SETBP1: variants seen among roughly 807,000 people sequenced by gnomAD.
SETBP1 encodes SET-binding protein.
Under a neutral mutation model 101.0 loss-of-function variants are expected in SETBP1, and 9 were observed. The observed-to-expected ratio is 0.09, with a 90% CI of 0.05 to 0.16. SETBP1 has a LOEUF of 0.16. SETBP1 is among the 10% of genes least tolerant of loss of function. SETBP1 has a pLI of 1.00. For synonymous variants in SETBP1, 818 were observed against 788.5 expected (o/e 1.04, Z -0.63); for missense variants, 1,858 against 2,033.8 (o/e 0.91, Z 1.66).
At chr18:44,931,010 A>G (rs2070821134) in intron 3 of SETBP1, among the ~76,000 whole-genome samples, 1 of 151,916 alleles carries the variant, frequency 6.6e-6, no homozygotes, top group Admixed American at 6.6e-5. Context: ...TTGCTTCTCT[A>G]GTTCTTTTAA....
intron 2 of SETBP1, among the ~76,000 whole-genome samples, chr18:44,749,376 G>C (rs1159725461): frequency 1.3e-5 from 2 of 152,048 alleles, no homozygotes; most frequent in Non-Finnish European, 2.9e-5. Context: ...AATATTGTGG[G>C]AGAGAAAGGA....
chr18:44,914,581 G>T (rs1008960506), intron 3 of SETBP1, among the ~76,000 whole-genome samples: 1 of 152,150 alleles, frequency 6.6e-6, no homozygotes, highest in East Asian at 1.9e-4. Context: ...CTAATAGAAG[G>T]AGAGACATTT....
At chr18:45,020,809 T>C (rs561066806) in intron 4 of SETBP1, among the ~76,000 whole-genome samples, 16 of 152,328 alleles carry the variant, frequency 1.1e-4, no homozygotes, top group African/African-American at 3.4e-4. Flanking sequence ...GCATGGTCTG[T>C]AAATGAATCA....
chr18:44,748,929 G>A (rs1252545442), intron 2 of SETBP1, among the ~76,000 whole-genome samples: 1 of 152,162 alleles, frequency 6.6e-6, no homozygotes, highest in African/African-American at 2.4e-5. Context: ...TCTCCCAGGG[G>A]CTGCTGCAGA....
intron 2 of SETBP1, among the ~76,000 whole-genome samples, chr18:44,787,190 G>A (rs185049086): frequency 1.7e-3 from 261 of 152,290 alleles, no homozygotes; most frequent in Middle Eastern, 3.4e-3. Flanking sequence ...ATGAGAAAGG[G>A]TGCTGGTGTG....
intron 2 of SETBP1, among the ~76,000 whole-genome samples, chr18:44,759,026 G>A (rs547134748): frequency 8.1e-4 from 123 of 152,300 alleles, no homozygotes; most frequent in African/African-American, 2.8e-3. Context: ...TAAATAACAC[G>A]TTTCTCCATG....
intron 2 of SETBP1, among the ~76,000 whole-genome samples, chr18:44,741,478 T>C (rs905325565): frequency 3.3e-5 from 5 of 152,170 alleles, no homozygotes; most frequent in African/African-American, 1.2e-4. Flanking sequence ...TCCTTTTCGG[T>C]TCCATGCAAA....
intron 5 of SETBP1, among the ~76,000 whole-genome samples, chr18:45,039,240 C>T (rs79010923): frequency 0.053 from 8,086 of 152,254 alleles, 257 homozygotes; most frequent in Middle Eastern, 0.075. Flanking sequence ...TCCTCACCAA[C>T]AGTGGATAAA....
At chr18:44,979,942 G>A (rs139717177) in intron 4 of SETBP1, among the ~76,000 whole-genome samples, 17 of 152,308 alleles carry the variant, frequency 1.1e-4, no homozygotes, top group Non-Finnish European at 2.4e-4. Flanking sequence ...AACCCATGTG[G>A]ATGTAAATTT....
rs190712416 is a variant in SETBP1 at position 44,870,757 on chromosome 18, T to G, written c.540+1474T>G. ...AACATTAAAGGAAATTGTGTGGTGCTGTTTTACTGCTTGAAAAGGACACCC... is the reference window on the plus strand; with the variant it reads ...AACATTAAAGGAAATTGTGTGGTGCGGTTTTACTGCTTGAAAAGGACACCC... On this transcript the variant is annotated intron_variant, in intron 3 of 5. Coordinates refer to ENST00000649279, the MANE Select transcript of SETBP1 (RefSeq NM_015559.3). 5.9e-5 allele frequency: 9 copies of G among 152,364 alleles called. No homozygotes were observed. In the East Asian group the frequency reaches 1.7e-3, roughly 29 times the overall value. The allele number at this position is 152,364 out of a possible 1,614,324, so 9.4% of individuals were successfully genotyped here.
Position 44,951,756 on chromosome 18 carries a change from C to A in SETBP1, c.2416C>A (p.Pro806Thr), listed in dbSNP as rs1387627307. The change falls in exon 4 of 6, where the codon CCA becomes ACA. Residue 806 changes from proline to threonine, a missense_variant. By Grantham distance (38) the Pro-to-Thr change is conservative. Around this residue, in one of 12 missense-constraint regions of SETBP1, gnomAD observed 121 missense variants for 138.0 expected, o/e 0.88. Transcript: ENST00000649279. This position sits in a 1 kb window ranked among gnomAD's most constrained non-coding sequence, Gnocchi z 7.8. Reference protein sequence around the residue: ...ETNFSELKTMPNLQPISALPT... With the variant: ...ETNFSELKTMTNLQPISALPT... ...CAATTTTTCAGAGTTGAAAACTATG[C>A]CAAATCTCCAGCCCATCAGTGCTCT... 6.2e-7 allele frequency: 1 copy of A among 1,614,020 alleles called. No homozygotes were observed. The highest frequency in any genetic ancestry group is 1.3e-5 in the African/African-American group (1 of 74,918).
rs190728175 is a variant in SETBP1 at position 44,928,905 on chromosome 18, C to A, written c.541-20976C>A. ...TGCCTGTTCACTCTGATGGTAGTTTCTTTTGCTGTGCAGAAGCTCTTTAGT... is the reference window on the plus strand; with the variant it reads ...TGCCTGTTCACTCTGATGGTAGTTTATTTTGCTGTGCAGAAGCTCTTTAGT... On this transcript the variant is annotated intron_variant, in intron 3 of 5. Coordinates refer to ENST00000649279, the MANE Select transcript of SETBP1 (RefSeq NM_015559.3). Among the ~76,000 whole-genome samples, 71 of 152,256 alleles carry A rather than the reference C, an allele frequency of 4.7e-4. 1 individual carries two copies. In the East Asian group the frequency reaches 9.9e-3, roughly 21 times the overall value.
chr18:44,883,590 A>G (rs2069578521), intron 3 of SETBP1, among the ~76,000 whole-genome samples: 1 of 152,200 alleles, frequency 6.6e-6, no homozygotes, highest in African/African-American at 2.4e-5. Context: ...GCCTTTCCTT[A>G]CATACATGGA....
At chr18:44,940,458 C>G (rs750755082) in intron 3 of SETBP1, among the ~76,000 whole-genome samples, 1 of 151,864 alleles carries the variant, frequency 6.6e-6, no homozygotes, top group Non-Finnish European at 1.5e-5. Flanking sequence ...TTTTTCTGCT[C>G]TCTTTTAGAG....
intron 2 of SETBP1, among the ~76,000 whole-genome samples, chr18:44,754,506 G>A (rs2070451393): frequency 6.6e-6 from 1 of 152,098 alleles, no homozygotes; most frequent in Admixed American, 6.6e-5. Flanking sequence ...TTTTTTAAAT[G>A]TCTTAGATGA....
At chr18:44,752,098 G>A (rs2070393231) in intron 2 of SETBP1, among the ~76,000 whole-genome samples, 1 of 152,062 alleles carries the variant, frequency 6.6e-6, no homozygotes, top group Admixed American at 6.6e-5. Flanking sequence ...GACGTCTATA[G>A]AAGCAGGATA....
At chr18:44,830,707 A>G (rs1341976155) in intron 2 of SETBP1, among the ~76,000 whole-genome samples, 1 of 152,304 alleles carries the variant, frequency 6.6e-6, no homozygotes, top group South Asian at 2.1e-4. Context: ...ATACAATTTT[A>G]TTCTCATCCT....
chr18:44,733,097 T>C (rs1034685123), intron 2 of SETBP1: 1 of 152,066 alleles, frequency 6.6e-6, no homozygotes, highest in Non-Finnish European at 1.5e-5. Flanking sequence ...TGAGGGAAGG[T>C]GTAGGGATCT....
chr18:44,814,507 T>C (rs1034715838), intron 2 of SETBP1, among the ~76,000 whole-genome samples: 1 of 152,216 alleles, frequency 6.6e-6, no homozygotes, highest in African/African-American at 2.4e-5. Flanking sequence ...TGTCTGTTAG[T>C]CTAAATGACG....
Sources: gnomAD v4.1 joint callset for allele counts (sites outside exome capture counted in the v4.1 genomes callset) on GRCh38, gnomAD v4.1.1 for gene constraint, gnomAD v4.1.1 regional missense constraint, Gnocchi (gnomAD v3.1) non-coding constraint, MANE v1.5 for transcripts, NCBI Gene and HGNC (gene_info 2026-07-23, HGNC 2026-07-21) for gene names.